Variants in LARS2 observed in about 807,000 individuals in gnomAD.
LARS2 encodes leucyl-tRNA synthetase 2, mitochondrial, also known as leucine--tRNA ligase, mitochondrial.
Under a neutral mutation model 116.6 loss-of-function variants are expected in LARS2, and 81 were observed. The observed-to-expected ratio is 0.69, with a 90% CI of 0.58 to 0.84. The LOEUF is 0.84. Among genes scored for constraint, LARS2 ranks in the 40% least tolerant of loss-of-function variants. The pLI is 0.00. For synonymous variants in LARS2, 396 were observed against 407.2 expected, an observed-to-expected ratio of 0.97 and a Z score of 0.33; for missense variants, 968 against 1,114.5, an observed-to-expected ratio of 0.87 and a Z score of 1.87.
At chr3:45,481,547 G>A (rs1226777672) in intron 10 of LARS2, among the ~76,000 whole-genome samples, 1 of 152,134 alleles carries the variant, frequency 6.6e-6, no homozygotes, top group East Asian at 1.9e-4. Context: ...GGTCATCCTA[G>A]TGGATATGAT....
chr3:45,518,147 C>T (rs1700401235), intron 18 of LARS2, 75 bp downstream of exon 18: 1 of 1,152,832 alleles, frequency 8.7e-7, no homozygotes, highest in Non-Finnish European at 1.2e-6. Flanking sequence ...GTGGTCTTTG[C>T]TGCCCTCCCT....
chr3:45,428,472 C>A (rs1207535093), intron 6 of LARS2, among the ~76,000 whole-genome samples: 4 of 151,624 alleles, frequency 2.6e-5, no homozygotes, highest in African/African-American at 9.7e-5. Flanking sequence ...GTCTCAATCT[C>A]CTGACCTCGT....
chr3:45,490,163 C>A (rs1291822361), intron 12 of LARS2, among the ~76,000 whole-genome samples: 1 of 152,084 alleles, frequency 6.6e-6, no homozygotes, highest in Admixed American at 6.6e-5. Flanking sequence ...ACCCTTAGGC[C>A]TTTTTTTAGA....
At chr3:45,486,680 G>A (rs1182653022) in intron 11 of LARS2, among the ~76,000 whole-genome samples, 1 of 152,162 alleles carries the variant, frequency 6.6e-6, no homozygotes, top group Non-Finnish European at 1.5e-5. Context: ...GAAAATCGAT[G>A]TTACTCTCTT....
rs562388716 is a variant in LARS2, at chr3:45,486,824, G to A, written c.1123+1028G>A. Among the ~76,000 whole-genome samples the A allele has an allele frequency of 5.7e-4, 86 of 152,168 alleles. 1 individual carries two copies. Among genetic ancestry groups the A allele is most frequent in the Non-Finnish European group, 1.1e-3 (75 of 68,006 alleles). Reference sequence around the variant, plus strand: ...CATAAAGGCAGTTTTTATTGATGTGGCTTTTGGGGGAGTTTTTTGTTTGTT... The same window carrying A: ...CATAAAGGCAGTTTTTATTGATGTGACTTTTGGGGGAGTTTTTTGTTTGTT... On this transcript the variant is annotated intron_variant, in intron 11 of 21. Coordinates refer to ENST00000645846, the MANE Select transcript of LARS2 (RefSeq NM_015340.4).
chr3:45,397,555 A>G (rs911346058), intron 3 of LARS2, among the ~76,000 whole-genome samples: 2 of 152,236 alleles, frequency 1.3e-5, no homozygotes, highest in East Asian at 3.8e-4. Flanking sequence ...TTACAGGTGG[A>G]AAATGTTTGG....
chr3:45,509,357 C>A (rs1458427893), intron 15 of LARS2: 1 of 152,088 alleles, frequency 6.6e-6, no homozygotes, highest in Non-Finnish European at 1.5e-5. Context: ...AACACATTAC[C>A]CCAATTGTGA....
chr3:45,434,845 G>A (rs1292546675), intron 6 of LARS2, among the ~76,000 whole-genome samples: 1 of 152,112 alleles, frequency 6.6e-6, no homozygotes, highest in African/African-American at 2.4e-5. Flanking sequence ...TGTTACTGCT[G>A]GAAGGATGGA....
Position 45,479,987 on chromosome 3 carries a change from G to T in LARS2, c.1018+3360G>T, listed in dbSNP as rs1699671474. Among the ~76,000 whole-genome samples, 3 of 152,204 alleles carry T rather than the reference G, an allele frequency of 2.0e-5. No individual in the cohort carries two copies. The South Asian group carries it at 6.2e-4, about 32-fold the overall frequency. ...ATTACAGGCACATTAGAGAGCAAGA[G>T]CCTCCCTGGAAGCCCCAGGTCATTA... On this transcript the variant is annotated intron_variant, in intron 10 of 21. Transcript: ENST00000645846.
At chr3:45,542,084 A>G (rs2125771681) in intron 21 of LARS2, 128 bp downstream of exon 21, 1 of 1,197,806 alleles carries the variant, frequency 8.3e-7, no homozygotes, top group Admixed American at 2.5e-5. Context: ...CCTCAGCCAC[A>G]CCTTGTGACC....
At chr3:45,544,511 G>A (rs891143067) in intron 21 of LARS2, among the ~76,000 whole-genome samples, 3 of 152,144 alleles carry the variant, frequency 2.0e-5, no homozygotes, top group Non-Finnish European at 2.9e-5. Context: ...AGTGAGCGCC[G>A]ACCCAGGGCC....
intron 6 of LARS2, among the ~76,000 whole-genome samples, chr3:45,420,065 A>T (rs1405060173): frequency 1.3e-5 from 2 of 152,262 alleles, no homozygotes; most frequent in African/African-American, 4.8e-5. Flanking sequence ...ATATCAATCC[A>T]TCTGGTCCTT....
At chr3:45,392,296 T>C (rs1431757377) in intron 2 of LARS2, among the ~76,000 whole-genome samples, 9 of 151,692 alleles carry the variant, frequency 5.9e-5, no homozygotes, top group African/African-American at 1.9e-4. Flanking sequence ...GAGATTTCTT[T>C]TTTATCTTTT....
At chr3:45,480,705 G>T (rs1699684300) in intron 10 of LARS2, among the ~76,000 whole-genome samples, 1 of 152,180 alleles carries the variant, frequency 6.6e-6, no homozygotes. Context: ...CTAGGAAATA[G>T]ATTTTGACCA....
intron 8 of LARS2, among the ~76,000 whole-genome samples, chr3:45,470,132 C>T (rs946288652): frequency 4.6e-5 from 7 of 152,096 alleles, no homozygotes; most frequent in African/African-American, 1.4e-4. Context: ...TCTTCTAAAA[C>T]GTATCATGTT....
chr3:45,390,854 G>A (rs1356707056), intron 1 of LARS2, among the ~76,000 whole-genome samples: 3 of 148,888 alleles, frequency 2.0e-5, no homozygotes, highest in African/African-American at 7.4e-5. Flanking sequence ...TGGTTTCACC[G>A]TGGTCTCGAT....
chr3:45,411,280 A>G (rs1289476909), intron 4 of LARS2, among the ~76,000 whole-genome samples: 2 of 152,254 alleles, frequency 1.3e-5, no homozygotes, highest in Non-Finnish European at 2.9e-5. Context: ...AAAGGCTTTG[A>G]GTAAACACCA....
At chr3:45,446,445 A>G (rs1246809345) in intron 6 of LARS2, among the ~76,000 whole-genome samples, 1 of 152,274 alleles carries the variant, frequency 6.6e-6, no homozygotes, top group Non-Finnish European at 1.5e-5. Context: ...ATGTGGAAAC[A>G]CAAGATGTAT....
At chr3:45,437,256 T>A (rs1022071817) in intron 6 of LARS2, among the ~76,000 whole-genome samples, 3 of 152,214 alleles carry the variant, frequency 2.0e-5, no homozygotes, top group African/African-American at 7.2e-5. Flanking sequence ...GTAAAAAGTG[T>A]CTAGCATTTG....
Sources: allele counts gnomAD v4.1 joint callset (sites outside exome capture counted in the v4.1 genomes callset), GRCh38; gene constraint gnomAD v4.1.1; transcripts MANE v1.5; gene names NCBI Gene and HGNC (gene_info 2026-07-23, HGNC 2026-07-21).